Variants in COQ2 observed in about 807,000 individuals in gnomAD.
The protein encoded by COQ2 is coenzyme Q2, polyprenyltransferase, also known as 4-hydroxybenzoate polyprenyltransferase, mitochondrial.
COQ2 carries 25 observed loss-of-function variants against 35.7 expected under a neutral mutation model. The ratio of observed to expected loss-of-function variants is 0.70; its 90% CI spans 0.51 to 0.98. The LOEUF is 0.98. COQ2 is among the 50% of genes least tolerant of loss of function. The probability of loss-of-function intolerance (pLI) is 0.00; values close to 1 mark genes in which losing one functional copy is unlikely to be tolerated. For missense variants in COQ2, 488 were observed against 473.5 expected, an observed-to-expected ratio of 1.03 and a Z score of -0.28; for synonymous variants, 206 against 186.2, an observed-to-expected ratio of 1.11 and a Z score of -0.86.
Position 83,267,663 on chromosome 4 carries a change from G to T in COQ2, c.874C>A (p.Leu292Ile). 6.4e-7 allele frequency: 1 copy of T among 1,573,260 alleles called. No individual in the cohort carries two copies. The highest frequency in any genetic ancestry group is 8.6e-7 in the Non-Finnish European group (1 of 1,159,516). Residue 292 changes from leucine (L) to isoleucine (I), a missense_variant, in exon 6 of 7, where the codon CTA (leucine) becomes ATA (isoleucine). Transcript: ENST00000647002. ...FSVAMLGALS[L>I]VGVNSGQTAP... ...GTCTGTCCACTGTTCACACCCACTA[G>T]GCTCAGTGCCCCCAGCATTGCAACA...
At chr4:83,280,984 G>A (rs1468026119) in intron 1 of COQ2, among the ~76,000 whole-genome samples, 2 of 152,146 alleles carry the variant, frequency 1.3e-5, no homozygotes, top group African/African-American at 4.8e-5. Context: ...TAGAGACAGG[G>A]TCTCGCTCTC....
At chr4:83,274,179 GCAACTTCCTTATCAGCTATTTAGCTATAA>G (rs1356968270) in intron 2 of COQ2, among the ~76,000 whole-genome samples, 7 of 151,860 alleles carry the variant, frequency 4.6e-5, no homozygotes, top group African/African-American at 1.7e-4. Context: ...AAAAAACAAA[GCAACTTCCTTATCAGCTATTTAGCTATAA>G]CATGTTCAAT....
At position 83,278,934 on chromosome 4, in the gene COQ2, C is replaced by T. The variant is rs1577990394; in HGVS notation, c.420+14G>A. The T allele has an allele frequency of 6.4e-7, 1 of 1,557,804 alleles. No individual in the cohort carries two copies. The highest frequency in any genetic ancestry group is 2.4e-5 in the East Asian group (1 of 42,204). Reference sequence around the variant, plus strand: ...TGAGAAGAGCCTCTCTATTCCTTTTCAGGATGAAATTACCTTTTTATCATA... The same window carrying T: ...TGAGAAGAGCCTCTCTATTCCTTTTTAGGATGAAATTACCTTTTTATCATA... On this transcript the variant is annotated intron_variant, in intron 2 of 6. Coordinates refer to ENST00000647002, the MANE Select transcript of COQ2 (RefSeq NM_001358921.2).
intron 5 of COQ2, among the ~76,000 whole-genome samples, chr4:83,268,642 A>G (rs1734978203): frequency 6.6e-6 from 1 of 152,186 alleles, no homozygotes; most frequent in African/African-American, 2.4e-5. Context: ...TGAAGTTGTT[A>G]ATCTAATTGG....
At chr4:83,275,778 G>C (rs1735151982) in intron 2 of COQ2, among the ~76,000 whole-genome samples, 2 of 151,804 alleles carry the variant, frequency 1.3e-5, no homozygotes, top group Non-Finnish European at 2.9e-5. Context: ...AAGCAATTCA[G>C]AATTTTGCAG....
At chr4:83,278,374 C>T (rs1259935971) in intron 2 of COQ2, among the ~76,000 whole-genome samples, 3 of 151,896 alleles carry the variant, frequency 2.0e-5, no homozygotes, top group East Asian at 1.9e-4. Context: ...AGTTCTTAAC[C>T]GAAGTTTTCT....
intron 2 of COQ2, among the ~76,000 whole-genome samples, chr4:83,276,615 C>T (rs1342090499): frequency 3.9e-5 from 6 of 152,168 alleles, no homozygotes. Context: ...TAAATTAGTA[C>T]AATCTCTATG....
chr4:83,265,965 G>C (rs72936006), intron 6 of COQ2, among the ~76,000 whole-genome samples: 1 of 152,036 alleles, frequency 6.6e-6, no homozygotes, highest in African/African-American at 2.4e-5. Flanking sequence ...GCGCCTGGCC[G>C]AATATTCCTT....
Position 83,284,595 on chromosome 4 carries a change from C to CT in COQ2, c.169dup (p.Ser57LysfsTer46). 5 of 1,542,232 alleles carry CT rather than the reference C, an allele frequency of 3.2e-6. No homozygotes were observed. The highest frequency in any genetic ancestry group is 1.2e-5 in the South Asian group (1 of 83,398). Reference sequence around the variant, plus strand: ...GTCCACCACCGCCGCCGCGGACAAACTGAGCTGGCGCCCGCGCGGCTCGGG... The same window carrying CT: ...GTCCACCACCGCCGCCGCGGACAAACTTGAGCTGGCGCCCGCGCGGCTCGGG... On this transcript the variant is annotated frameshift_variant, in exon 1 of 7. Coordinates refer to ENST00000647002, the MANE Select transcript of COQ2 (RefSeq NM_001358921.2). LOFTEE classifies it high-confidence loss of function.
intron 3 of COQ2, among the ~76,000 whole-genome samples, chr4:83,272,969 T>C (rs1735083965): frequency 6.6e-6 from 1 of 152,226 alleles, no homozygotes; most frequent in Non-Finnish European, 1.5e-5. Context: ...TCTCTCGCAT[T>C]GAAGCACTTT....
At chr4:83,283,047 G>A (rs1460936210) in intron 1 of COQ2, among the ~76,000 whole-genome samples, 1 of 152,174 alleles carries the variant, frequency 6.6e-6, no homozygotes, top group East Asian at 1.9e-4. Context: ...GCCTCTCAAC[G>A]TGAATGTGGC....
At chr4:83,271,296 G>A (rs1201663118) in intron 4 of COQ2, among the ~76,000 whole-genome samples, 1 of 152,166 alleles carries the variant, frequency 6.6e-6, no homozygotes, top group Non-Finnish European at 1.5e-5. Flanking sequence ...AATTAATGCT[G>A]CTGAAATAAG....
At chr4:83,267,341 C>T (rs1182103060) in intron 6 of COQ2, 2 of 426,968 alleles carry the variant, frequency 4.7e-6, no homozygotes, top group Non-Finnish European at 8.5e-6. Context: ...TGCACCACTG[C>T]ACTCCAGCCT....
rs1261015110 is a variant in COQ2 at position 83,279,023 on chromosome 4, A to G, written c.345T>C (p.Phe115=). ...CACGCATCAGAATAGCTCCAGTGCC[A>G]AAGAGGGAGAGCATGTACCAATCTG... is the stretch of plus-strand genomic sequence containing the variant. ...CFPDWYMLSL[F]GTGAILMRGA... is the part of the protein sequence containing the mutation. The change falls in exon 2 of 7, where the codon TTT becomes TTC. Residue 115 remains phenylalanine, a synonymous_variant. Coordinates refer to ENST00000647002, the MANE Select transcript of COQ2 (RefSeq NM_001358921.2). The G allele has an allele frequency of 1.9e-6, 3 of 1,606,602 alleles. No homozygotes were observed. The highest frequency in any genetic ancestry group is 2.6e-6 in the Non-Finnish European group (3 of 1,176,222).
chr4:83,284,489 G>A (rs1234300811), intron 1 of COQ2, 23 bp downstream of exon 1: 1 of 1,550,936 alleles, frequency 6.4e-7, no homozygotes, highest in Non-Finnish European at 8.7e-7. Flanking sequence ...AAATTCCCGG[G>A]CTGCCCGCCC....
At chr4:83,265,135 G>C (rs1231363889) in intron 6 of COQ2, among the ~76,000 whole-genome samples, 4 of 152,312 alleles carry the variant, frequency 2.6e-5, no homozygotes, top group Admixed American at 6.5e-5. Flanking sequence ...AATACACTAA[G>C]GAAGTCTCAC....
chr4:83,281,838 T>C (rs530640531), intron 1 of COQ2, among the ~76,000 whole-genome samples: 1 of 152,288 alleles, frequency 6.6e-6, no homozygotes, highest in Non-Finnish European at 1.5e-5. Context: ...AAGGTGGTAT[T>C]CCAACCCAGA....
At position 83,284,745 on chromosome 4, in the gene COQ2, G is replaced by A. The variant is rs771636285; in HGVS notation, c.20C>T (p.Ala7Val). Reference protein sequence around the residue: MLGSRAAGFARGLRAVA... With the variant: MLGSRAVGFARGLRAVA... ...AGCCCGCAGGCCCCGCGCGAACCCCGCGGCTCGCGAGCCCAGCATGGCGCT... is the reference window on the plus strand; with the variant it reads ...AGCCCGCAGGCCCCGCGCGAACCCCACGGCTCGCGAGCCCAGCATGGCGCT... Residue 7 changes from alanine (A) to valine (V), a missense_variant, in exon 1 of 7, where the codon GCG becomes GTG. Transcript: ENST00000647002. 2.4e-5 allele frequency: 37 copies of A among 1,530,474 alleles called. No individual in the cohort carries two copies. Among genetic ancestry groups the A allele is most frequent in the Non-Finnish European group, 3.1e-5 (36 of 1,145,188 alleles). 94.8% of individuals were successfully genotyped at this position (1,530,474 alleles called of 1,614,324 possible).
chr4:83,267,172 T>C, intron 6 of COQ2: 1 of 453,612 alleles, frequency 2.2e-6, no homozygotes, highest in Non-Finnish European at 4.4e-6. Flanking sequence ...AGCCAGGAAT[T>C]TCAGACCAGC....
Sources: allele counts gnomAD v4.1 joint callset (sites outside exome capture counted in the v4.1 genomes callset), GRCh38; gene constraint gnomAD v4.1.1; transcripts MANE v1.5; gene names NCBI Gene and HGNC (gene_info 2026-07-23, HGNC 2026-07-21).